The following RALYL variants were observed in gnomAD, a reference collection of about 807,000 sequenced individuals.
The protein encoded by RALYL is RNA-binding Raly-like protein.
Under a neutral mutation model 35.1 loss-of-function variants are expected in RALYL, and 29 were observed. That is an observed-to-expected ratio of 0.83 (90% CI 0.61 to 1.13). RALYL has a LOEUF of 1.13. Among genes scored for constraint, RALYL ranks in the 50% most tolerant of loss-of-function variants. The pLI, the probability that RALYL is intolerant of heterozygous loss-of-function variation, is 0.00. For synonymous variants in RALYL, 120 were observed against 127.6 expected (o/e 0.94, Z 0.40); for missense variants, 359 against 360.4 (o/e 1.00, Z 0.03).
At chr8:84,234,222 C>T (rs1825985875) in intron 1 of RALYL, among the ~76,000 whole-genome samples, 2 of 152,154 alleles carry the variant, frequency 1.3e-5, no homozygotes, top group African/African-American at 2.4e-5. Context: ...CTAATTTCTC[C>T]TCTTTGCTCA....
chr8:84,877,408 AC>A (rs1841382156), intron 7 of RALYL, among the ~76,000 whole-genome samples: 1 of 152,010 alleles, frequency 6.6e-6, no homozygotes, highest in Non-Finnish European at 1.5e-5. Context: ...AATTGCTTGA[AC>A]CCAGGAGGTG....
chr8:84,319,462 A>T (rs981418241), intron 1 of RALYL, among the ~76,000 whole-genome samples: 2 of 152,120 alleles, frequency 1.3e-5, no homozygotes, highest in Admixed American at 1.3e-4. Flanking sequence ...GACCAATTTC[A>T]TAACCTTCTC....
chr8:84,775,973 TTTA>T lies in RALYL; in HGVS notation c.332+1322_332+1324del, dbSNP rs1563577688. 3.9e-5 allele frequency among the ~76,000 whole-genome samples: 6 copies of T among 152,348 alleles called. No individual in the cohort carries two copies. The East Asian group carries it at 9.6e-4, about 24-fold the overall frequency. ...GCTATTGAGATCTCCTGTCATCCTA[TTTA>T]TTTGGTTTTCTCCCAGATACATATC... On this transcript the variant is annotated intron_variant, in intron 3 of 8. Transcript: ENST00000521268.
chr8:84,769,388 A>C (rs2133495807), intron 2 of RALYL, among the ~76,000 whole-genome samples: 1 of 152,304 alleles, frequency 6.6e-6, no homozygotes, highest in African/African-American at 2.4e-5. Flanking sequence ...TCTCACACCC[A>C]ATAATCCACC....
chr8:84,473,814 G>A (rs2053078944), intron 1 of RALYL, among the ~76,000 whole-genome samples: 1 of 151,668 alleles, frequency 6.6e-6, no homozygotes, highest in Admixed American at 6.6e-5. Flanking sequence ...CACTATATCT[G>A]ATCTATCATG....
chr8:84,235,005 T>G (rs1030361658), intron 1 of RALYL, among the ~76,000 whole-genome samples: 8 of 152,024 alleles, frequency 5.3e-5, no homozygotes, highest in Admixed American at 3.9e-4. Flanking sequence ...CCTTGTGATC[T>G]GCCCGCCTCA....
intron 1 of RALYL, among the ~76,000 whole-genome samples, chr8:84,446,300 A>G (rs2048846590): frequency 6.6e-6 from 1 of 152,068 alleles, no homozygotes; most frequent in African/African-American, 2.4e-5. Flanking sequence ...AAAAAAAATC[A>G]TAGTTCTTTT....
chr8:84,477,619 C>T (rs1414065345), intron 1 of RALYL, among the ~76,000 whole-genome samples: 2 of 150,822 alleles, frequency 1.3e-5, no homozygotes, highest in African/African-American at 4.9e-5. Context: ...TACATAAACT[C>T]AATAATGATG....
At chr8:84,528,576 A>G (rs2134918194) in intron 1 of RALYL, among the ~76,000 whole-genome samples, 1 of 152,202 alleles carries the variant, frequency 6.6e-6, no homozygotes, top group East Asian at 1.9e-4. Flanking sequence ...TTCAACAGTT[A>G]CCTAATCTAC....
chr8:84,504,503 T>G (rs1483540015), intron 1 of RALYL, among the ~76,000 whole-genome samples: 1 of 152,162 alleles, frequency 6.6e-6, no homozygotes, highest in Admixed American at 6.6e-5. Flanking sequence ...AAGGCCAACA[T>G]ATTAATATAC....
At chr8:84,627,722 G>A (rs1823047125) in intron 2 of RALYL, among the ~76,000 whole-genome samples, 1 of 151,618 alleles carries the variant, frequency 6.6e-6, no homozygotes, top group African/African-American at 2.4e-5. Flanking sequence ...AGATAAAATT[G>A]AATTATTGAT....
intron 1 of RALYL, among the ~76,000 whole-genome samples, chr8:84,254,680 A>G (rs1279112473): frequency 6.6e-6 from 1 of 151,514 alleles, no homozygotes; most frequent in Non-Finnish European, 1.5e-5. Flanking sequence ...ATGGAATGAA[A>G]AAGTGAAGAT....
intron 2 of RALYL, among the ~76,000 whole-genome samples, chr8:84,637,618 G>T (rs1275363757): frequency 6.6e-6 from 1 of 151,832 alleles, no homozygotes; most frequent in Non-Finnish European, 1.5e-5. Flanking sequence ...CTTTAAAGGG[G>T]GAATTTGGAG....
At chr8:84,349,308 C>G (rs1441774107) in intron 1 of RALYL, among the ~76,000 whole-genome samples, 1 of 150,434 alleles carries the variant, frequency 6.6e-6, no homozygotes, top group Non-Finnish European at 1.5e-5. Context: ...TTGCACCTTT[C>G]TTATCTTTAT....
chr8:84,523,408 T>C (rs1177438157), intron 1 of RALYL, among the ~76,000 whole-genome samples: 3 of 152,142 alleles, frequency 2.0e-5, no homozygotes, highest in African/African-American at 7.2e-5. Context: ...CCATAATACA[T>C]ACAGATTATT....
intron 1 of RALYL, among the ~76,000 whole-genome samples, chr8:84,299,329 T>G (rs1179725884): frequency 6.6e-6 from 1 of 152,126 alleles, no homozygotes; most frequent in East Asian, 1.9e-4. Context: ...TACTTGATCG[T>G]GGTGGACTAG....
chr8:84,414,758 T>C (rs1300499396), intron 1 of RALYL, among the ~76,000 whole-genome samples: 1 of 152,216 alleles, frequency 6.6e-6, no homozygotes, highest in Non-Finnish European at 1.5e-5. Context: ...CTGGTGCTTA[T>C]ACTTTATTTT....
At chr8:84,740,776 G>C (rs909271358) in intron 2 of RALYL, among the ~76,000 whole-genome samples, 1 of 152,016 alleles carries the variant, frequency 6.6e-6, no homozygotes, top group African/African-American at 2.4e-5. Flanking sequence ...AAGTGGTTGA[G>C]AAATTTCTGT....
intron 1 of RALYL, among the ~76,000 whole-genome samples, chr8:84,479,451 CCAAAG>C: frequency 6.6e-6 from 1 of 152,172 alleles, no homozygotes; most frequent in South Asian, 2.1e-4. Context: ...CCTAAAATGA[CCAAAG>C]CACGTGTTTT....
Sources: gnomAD v4.1 joint callset for allele counts (sites outside exome capture counted in the v4.1 genomes callset) on GRCh38, gnomAD v4.1.1 for gene constraint, MANE v1.5 for transcripts, NCBI Gene and HGNC (gene_info 2026-07-23, HGNC 2026-07-21) for gene names.